The following RGS7 variants were observed in gnomAD, a reference collection of about 807,000 sequenced individuals.
RGS7 encodes regulator of G protein signaling 7.
In RGS7, 27 loss-of-function variants were observed where a neutral mutation model predicts 81.1. The ratio of observed to expected loss-of-function variants is 0.33; its 90% CI spans 0.25 to 0.46. The LOEUF is 0.46. RGS7 is among the 20% of genes least tolerant of loss of function. RGS7 has a pLI of 1.00. For synonymous variants in RGS7, 208 were observed against 207.7 expected (o/e 1.00, Z -0.01); for missense variants, 396 against 607.4 (o/e 0.65, Z 3.66).
intron 3 of RGS7, among the ~76,000 whole-genome samples, chr1:241,096,976 T>G (rs553671798): frequency 6.6e-6 from 1 of 152,088 alleles, no homozygotes; most frequent in Non-Finnish European, 1.5e-5. Context: ...TCAATATATA[T>G]ATGAGTAACA....
intron 3 of RGS7, among the ~76,000 whole-genome samples, chr1:241,077,927 G>T (rs1463679717): frequency 2.6e-5 from 4 of 152,026 alleles, no homozygotes; most frequent in Admixed American, 1.3e-4. Context: ...AAACAGGAAA[G>T]AACTCAGATT....
intron 9 of RGS7, among the ~76,000 whole-genome samples, chr1:240,829,102 G>A (rs7534594): frequency 0.046 from 7,055 of 152,060 alleles, 252 homozygotes; most frequent in African/African-American, 0.1. Context: ...CCAAAACTCC[G>A]CCATAATATT....
chr1:241,344,891 G>A (rs919126505), intron 2 of RGS7, among the ~76,000 whole-genome samples: 6 of 152,134 alleles, frequency 3.9e-5, no homozygotes, highest in African/African-American at 7.2e-5. Context: ...ACTCAGATTC[G>A]CAGAGGAATA....
At chr1:240,902,334 G>A (rs1670151272) in intron 6 of RGS7, among the ~76,000 whole-genome samples, 1 of 152,084 alleles carries the variant, frequency 6.6e-6, no homozygotes, top group Non-Finnish European at 1.5e-5. Flanking sequence ...CTAATCTCAT[G>A]GTAATATTTT....
intron 6 of RGS7, among the ~76,000 whole-genome samples, chr1:240,895,393 C>T (rs1240184596): frequency 1.3e-5 from 2 of 151,926 alleles, no homozygotes; most frequent in Admixed American, 6.6e-5. Context: ...CACCCATTAA[C>T]GTGTCATTTA....
At chr1:241,129,600 C>T (rs2066931693) in intron 2 of RGS7, among the ~76,000 whole-genome samples, 1 of 152,092 alleles carries the variant, frequency 6.6e-6, no homozygotes, top group South Asian at 2.1e-4. Context: ...TTTTATAAGC[C>T]AATAATCACC....
intron 3 of RGS7, among the ~76,000 whole-genome samples, chr1:241,056,906 T>C (rs2061501622): frequency 6.6e-6 from 1 of 152,226 alleles, no homozygotes; most frequent in Admixed American, 6.5e-5. Context: ...ACTGACTTAA[T>C]GGATTCCACT....
At chr1:240,916,745 T>G (rs1385906500) in intron 6 of RGS7, among the ~76,000 whole-genome samples, 1 of 152,216 alleles carries the variant, frequency 6.6e-6, no homozygotes, top group Non-Finnish European at 1.5e-5. Context: ...AAATCAATCC[T>G]GCCAGCACCT....
intron 2 of RGS7, among the ~76,000 whole-genome samples, chr1:241,329,609 T>TC (rs2081841444): frequency 6.6e-6 from 1 of 152,184 alleles, no homozygotes; most frequent in South Asian, 2.1e-4. Context: ...TACCATACGT[T>TC]CCCTTTAATG....
intron 2 of RGS7, among the ~76,000 whole-genome samples, chr1:241,288,874 CT>C (rs1285646741): frequency 1.3e-5 from 2 of 152,276 alleles, no homozygotes; most frequent in Admixed American, 1.3e-4. Context: ...GAAATGTTCC[CT>C]ACCTGCTCCA....
At chr1:240,959,518 A>G (rs1316057397) in intron 4 of RGS7, among the ~76,000 whole-genome samples, 1 of 152,242 alleles carries the variant, frequency 6.6e-6, no homozygotes, top group Admixed American at 6.5e-5. Flanking sequence ...CTATACCATT[A>G]TGATAGCTAC....
chr1:241,212,254 T>C (rs2074286052), intron 2 of RGS7, among the ~76,000 whole-genome samples: 1 of 152,180 alleles, frequency 6.6e-6, no homozygotes, highest in Non-Finnish European at 1.5e-5. Context: ...CAACATCAGA[T>C]ATGTAATATT....
At chr1:241,049,119 A>G (rs1429176759) in intron 3 of RGS7, among the ~76,000 whole-genome samples, 2 of 152,142 alleles carry the variant, frequency 1.3e-5, no homozygotes, top group African/African-American at 2.4e-5. Context: ...CAAAGACCCT[A>G]TTTCCAAGCA....
In RGS7 at chr1:240,930,702, A is replaced by C; in HGVS notation, c.385+15T>G. The C allele has an allele frequency of 6.2e-7, 1 of 1,611,644 alleles. No homozygotes were observed. Among genetic ancestry groups the C allele is most frequent in the Non-Finnish European group, 8.5e-7 (1 of 1,177,808 alleles). On this transcript the variant is annotated intron_variant, in intron 6 of 18. Coordinates refer to ENST00000440928, the MANE Select transcript of RGS7 (RefSeq NM_001364886.1). ...ACAGGCTGTCAATAATAAAATAATGAGAGATGGCACTGACCATAATCTGTG... is the reference window on the plus strand; with the variant it reads ...ACAGGCTGTCAATAATAAAATAATGCGAGATGGCACTGACCATAATCTGTG...
chr1:240,896,838 G>C (rs1669175099), intron 6 of RGS7, among the ~76,000 whole-genome samples: 1 of 152,200 alleles, frequency 6.6e-6, no homozygotes. Flanking sequence ...TTGGCAGCTT[G>C]ATGGGGATAG....
chr1:240,811,440 T>C (rs891836985), intron 14 of RGS7, among the ~76,000 whole-genome samples: 16 of 152,264 alleles, frequency 1.1e-4, no homozygotes, highest in South Asian at 2.1e-4. Context: ...GTGGCTATTA[T>C]TTAAACATGC....
intron 3 of RGS7, among the ~76,000 whole-genome samples, chr1:241,031,929 T>C (rs1024778786): frequency 2.0e-5 from 3 of 152,252 alleles, no homozygotes; most frequent in African/African-American, 2.4e-5. Context: ...TCAGGCTGTC[T>C]GTTCACTCTG....
intron 6 of RGS7, among the ~76,000 whole-genome samples, chr1:240,908,187 G>A (rs974053932): frequency 5.3e-5 from 7 of 132,306 alleles, no homozygotes; most frequent in South Asian, 6.1e-4. Context: ...ATCACACACC[G>A]GGGCCTGTCG....
At chr1:241,228,130 A>C (rs2075429600) in intron 2 of RGS7, among the ~76,000 whole-genome samples, 1 of 152,178 alleles carries the variant, frequency 6.6e-6, no homozygotes, top group Admixed American at 6.5e-5. Flanking sequence ...CATGGAGGTG[A>C]CTGACTAGCC....
Sources: allele counts gnomAD v4.1 joint callset (sites outside exome capture counted in the v4.1 genomes callset), GRCh38; gene constraint gnomAD v4.1.1; transcripts MANE v1.5; gene names NCBI Gene and HGNC (gene_info 2026-07-23, HGNC 2026-07-21).